TCF12: variants seen among roughly 807,000 people sequenced by gnomAD.
TCF12 encodes the protein DNA-binding protein HTF4.
In TCF12, 45 loss-of-function variants were observed where a neutral mutation model predicts 86.0. The observed-to-expected ratio is 0.52, with a 90% CI of 0.41 to 0.67. TCF12 has a LOEUF of 0.67. Among genes scored for constraint, TCF12 ranks in the 30% least tolerant of loss-of-function variants. The pLI, the probability that TCF12 is intolerant of heterozygous loss-of-function variation, is 0.00. For synonymous variants in TCF12, 330 were observed against 299.6 expected (o/e 1.10, Z -1.05); for missense variants, 881 against 859.9 (o/e 1.02, Z -0.31).
chr15:57,025,526 G>T (rs1290940652), intron 3 of TCF12, among the ~76,000 whole-genome samples: 2 of 152,040 alleles, frequency 1.3e-5, no homozygotes, highest in African/African-American at 2.4e-5. Flanking sequence ...ATAATCCTCA[G>T]TCTGGAAATC....
chr15:56,929,381 A>G (rs1298607401), intron 3 of TCF12, among the ~76,000 whole-genome samples: 1 of 152,242 alleles, frequency 6.6e-6, no homozygotes, highest in African/African-American at 2.4e-5. Context: ...TGTTAATAAC[A>G]TGACTGTTAT....
chr15:57,219,156 T>G, intron 8 of TCF12: 1 of 1,069,040 alleles, frequency 9.4e-7, no homozygotes, highest in African/African-American at 1.6e-5. Context: ...CAGTATGCCT[T>G]CCTTTTGTGT....
chr15:56,951,282 T>A (rs1321501459), intron 3 of TCF12, among the ~76,000 whole-genome samples: 2 of 152,208 alleles, frequency 1.3e-5, no homozygotes, highest in Admixed American at 1.3e-4. Context: ...TTTTCATTTG[T>A]GTTTTTCTAA....
intron 5 of TCF12, among the ~76,000 whole-genome samples, chr15:57,140,494 C>T (rs1430546306): frequency 2.0e-5 from 3 of 152,146 alleles, no homozygotes; most frequent in Admixed American, 1.3e-4. Flanking sequence ...AAGTGTCAGA[C>T]GTTATGCTAA....
At chr15:57,206,582 CTTTT>C (rs67531540) in intron 8 of TCF12, among the ~76,000 whole-genome samples, 5 of 83,808 alleles carry the variant, frequency 6.0e-5, no homozygotes, top group East Asian at 3.2e-4. Flanking sequence ...CTTGTATTCT[CTTTT>C]TTTTTTTTTT....
intron 12 of TCF12, among the ~76,000 whole-genome samples, chr15:57,240,588 AG>A (rs1481753769): frequency 6.6e-6 from 1 of 152,180 alleles, no homozygotes; most frequent in East Asian, 1.9e-4. Context: ...AGTGGTAAAG[AG>A]GTATGTTGAG....
chr15:57,123,684 G>C (rs1345855189), intron 5 of TCF12, among the ~76,000 whole-genome samples: 2 of 151,924 alleles, frequency 1.3e-5, no homozygotes, highest in Non-Finnish European at 2.9e-5. Context: ...GGGTGCAGTG[G>C]CTCATGCCTG....
At chr15:57,220,571 G>A (rs963367399) in intron 8 of TCF12, among the ~76,000 whole-genome samples, 7 of 151,956 alleles carry the variant, frequency 4.6e-5, no homozygotes, top group African/African-American at 1.7e-4. Flanking sequence ...CACATGACTA[G>A]GTGTTTTAAA....
chr15:57,199,052 G>A (rs1391471379), intron 8 of TCF12, among the ~76,000 whole-genome samples: 2 of 152,146 alleles, frequency 1.3e-5, no homozygotes, highest in East Asian at 1.9e-4. Context: ...GGGCAGCTGT[G>A]CTCTGAACCT....
intron 5 of TCF12, among the ~76,000 whole-genome samples, chr15:57,133,203 T>C (rs777019670): frequency 3.0e-4 from 46 of 152,340 alleles, no homozygotes; most frequent in South Asian, 8.3e-4. Flanking sequence ...ATGTTACCAT[T>C]GATCTGAGCC....
intron 6 of TCF12, among the ~76,000 whole-genome samples, chr15:57,178,115 C>G (rs1363008311): frequency 1.3e-5 from 2 of 152,092 alleles, no homozygotes; most frequent in Non-Finnish European, 2.9e-5. Context: ...AAAGAGGTGA[C>G]AACATACTGG....
At chr15:57,255,709 C>G (rs542927471) in intron 16 of TCF12, among the ~76,000 whole-genome samples, 2 of 152,242 alleles carry the variant, frequency 1.3e-5, no homozygotes, top group Admixed American at 6.5e-5. Flanking sequence ...GTCTCAAACT[C>G]CTGACCTTGT....
At chr15:57,158,254 C>T (rs1166584635) in intron 5 of TCF12, among the ~76,000 whole-genome samples, 1 of 149,062 alleles carries the variant, frequency 6.7e-6, no homozygotes, top group Non-Finnish European at 1.5e-5. Context: ...AGTGGACTCA[C>T]TGCAGCCTCG....
intron 5 of TCF12, among the ~76,000 whole-genome samples, chr15:57,162,610 G>A (rs572160695): frequency 6.6e-6 from 1 of 152,274 alleles, no homozygotes; most frequent in East Asian, 1.9e-4. Context: ...TTCAGCTTAT[G>A]TTAAATTAGT....
chr15:57,191,334 C>T (rs374699559), intron 6 of TCF12, among the ~76,000 whole-genome samples: 1 of 152,122 alleles, frequency 6.6e-6, no homozygotes, highest in East Asian at 1.9e-4. Context: ...TGTGGTGGCA[C>T]ATGCCTGTAG....
chr15:57,027,121 T>G (rs2065869593), intron 3 of TCF12, among the ~76,000 whole-genome samples: 1 of 152,180 alleles, frequency 6.6e-6, no homozygotes, highest in Middle Eastern at 3.2e-3. Context: ...CACATTTTAA[T>G]GTATGATAAG....
At chr15:57,079,950 A>C (rs1370694996) in intron 4 of TCF12, among the ~76,000 whole-genome samples, 1 of 152,196 alleles carries the variant, frequency 6.6e-6, no homozygotes, top group Middle Eastern at 3.2e-3. Context: ...TGGTATATTT[A>C]AGGAGACTTA....
At chr15:57,001,081 A>G (rs1214404355) in intron 3 of TCF12, among the ~76,000 whole-genome samples, 1 of 143,964 alleles carries the variant, frequency 6.9e-6, no homozygotes, top group Non-Finnish European at 1.5e-5. Flanking sequence ...CAGTGGCGCG[A>G]TCTCGGCTCA....
chr15:56,971,418 T>G (rs2140747576), intron 3 of TCF12, among the ~76,000 whole-genome samples: 1 of 151,624 alleles, frequency 6.6e-6, no homozygotes, highest in South Asian at 2.1e-4. Flanking sequence ...CAGCGAGACT[T>G]TATCTCAAAA....
Sources: gnomAD v4.1 joint callset for allele counts (sites outside exome capture counted in the v4.1 genomes callset) on GRCh38, gnomAD v4.1.1 for gene constraint, MANE v1.5 for transcripts, NCBI Gene and HGNC (gene_info 2026-07-23, HGNC 2026-07-21) for gene names.